GNA12: variants seen among roughly 807,000 people sequenced by gnomAD.
The protein encoded by GNA12 is guanine nucleotide-binding protein subunit alpha-12.
In GNA12, 9 loss-of-function variants were observed where a neutral mutation model predicts 26.0. That is an observed-to-expected ratio of 0.35 (90% confidence interval 0.21 to 0.60). GNA12 has a LOEUF of 0.60. Ranked by LOEUF, GNA12 falls within the 20% of genes least tolerant of loss-of-function variation. The probability of loss-of-function intolerance (pLI) is 0.78; values close to 1 mark genes in which losing one functional copy is unlikely to be tolerated. For synonymous variants in GNA12, 264 were observed against 219.6 expected (o/e 1.20, Z -1.79); for missense variants, 405 against 525.8 (o/e 0.77, Z 2.25).
At chr7:2,763,988 C>T (rs1023314588) in intron 2 of GNA12, among the ~76,000 whole-genome samples, 2 of 152,190 alleles carry the variant, frequency 1.3e-5, no homozygotes, top group East Asian at 1.9e-4. Flanking sequence ...GAACAGGGTA[C>T]GCACCTAAAG....
rs1189692337 is a variant in GNA12, at chr7:2,730,153, G to A, written c.*1028C>T. 5 of 152,346 alleles carry A rather than the reference G, an allele frequency of 3.3e-5. No individual in the cohort carries two copies. The highest frequency in any genetic ancestry group is 1.2e-4 in the African/African-American group (5 of 41,444). The allele number at this position is 152,346 out of a possible 1,614,324, so 9.4% of individuals were successfully genotyped here. On this transcript the variant is annotated 3_prime_UTR_variant, in exon 4 of 4. Coordinates refer to ENST00000275364, the MANE Select transcript of GNA12 (RefSeq NM_007353.3). ...AGCTGTTAGCTCGCCAAGCAGCTGG[G>A]GCATTAACAAAAGCTCTGCTAGTGG...
At chr7:2,791,324 T>C (rs1232975200) in intron 2 of GNA12, among the ~76,000 whole-genome samples, 2 of 152,142 alleles carry the variant, frequency 1.3e-5, no homozygotes, top group East Asian at 3.9e-4. Context: ...TGACCAGCAG[T>C]GGACAGCAAT....
intron 1 of GNA12, among the ~76,000 whole-genome samples, chr7:2,816,126 G>A (rs1273199768): frequency 2.6e-5 from 4 of 152,220 alleles, no homozygotes; most frequent in Non-Finnish European, 5.9e-5. Flanking sequence ...ACCTGAATAC[G>A]CATTCACAGG....
At chr7:2,835,703 G>A in intron 1 of GNA12, 5 of 1,041,664 alleles carry the variant, frequency 4.8e-6, no homozygotes, top group Non-Finnish European at 6.0e-6. Context: ...AAATTTGCAT[G>A]GAATACAAGT....
intron 2 of GNA12, among the ~76,000 whole-genome samples, chr7:2,743,823 CT>C (rs1270785606): frequency 6.6e-6 from 1 of 152,098 alleles, no homozygotes; most frequent in East Asian, 1.9e-4. Flanking sequence ...CACTCCCACC[CT>C]AACACTGCAC....
At chr7:2,818,151 A>G (rs1793257706) in intron 1 of GNA12, among the ~76,000 whole-genome samples, 1 of 152,256 alleles carries the variant, frequency 6.6e-6, no homozygotes, top group African/African-American at 2.4e-5. Context: ...AGTCATCATT[A>G]AGAACATCAA....
chr7:2,773,899 T>C (rs1180294460), intron 2 of GNA12, among the ~76,000 whole-genome samples: 1 of 152,148 alleles, frequency 6.6e-6, no homozygotes, highest in African/African-American at 2.4e-5. Flanking sequence ...GGAACTAAAT[T>C]GCGGGACATT....
chr7:2,749,093 G>C (rs1408146230), intron 2 of GNA12, among the ~76,000 whole-genome samples: 6 of 152,194 alleles, frequency 3.9e-5, no homozygotes, highest in African/African-American at 1.4e-4. Context: ...CATTGTGGAA[G>C]TCAGTGTGGC....
chr7:2,784,388 G>T (rs1460933996), intron 2 of GNA12, among the ~76,000 whole-genome samples: 1 of 152,204 alleles, frequency 6.6e-6, no homozygotes, highest in Non-Finnish European at 1.5e-5. Flanking sequence ...AAAGGGCTGG[G>T]ATTACAAGTA....
At chr7:2,825,001 C>T (rs558208621) in intron 1 of GNA12, among the ~76,000 whole-genome samples, 24 of 152,288 alleles carry the variant, frequency 1.6e-4, no homozygotes, top group East Asian at 1.4e-3. Flanking sequence ...TCTGCACCTG[C>T]GGGTGGACAG....
intron 2 of GNA12, among the ~76,000 whole-genome samples, chr7:2,767,464 C>T (rs900910315): frequency 9.2e-5 from 14 of 152,218 alleles, no homozygotes; most frequent in African/African-American, 3.4e-4. Context: ...CTGCATTCCA[C>T]TGAATAAATG....
At chr7:2,741,801 C>G (rs1790520217) in intron 2 of GNA12, among the ~76,000 whole-genome samples, 1 of 151,278 alleles carries the variant, frequency 6.6e-6, no homozygotes, top group Non-Finnish European at 1.5e-5. Flanking sequence ...ACAACCACGG[C>G]AACTTCAGGT....
intron 1 of GNA12, among the ~76,000 whole-genome samples, chr7:2,835,458 A>G (rs902753563): frequency 1.3e-5 from 2 of 152,142 alleles, no homozygotes; most frequent in African/African-American, 4.8e-5. Flanking sequence ...TCCAGGTGAC[A>G]TTTCCTCCCT....
At chr7:2,749,598 A>G (rs1583232560) in intron 2 of GNA12, among the ~76,000 whole-genome samples, 1 of 152,282 alleles carries the variant, frequency 6.6e-6, no homozygotes, top group African/African-American at 2.4e-5. Context: ...CCAACATGGC[A>G]CATGTATACA....
At chr7:2,736,184 C>T (rs370220875) in intron 2 of GNA12, among the ~76,000 whole-genome samples, 6 of 152,172 alleles carry the variant, frequency 3.9e-5, no homozygotes, top group African/African-American at 1.4e-4. Context: ...ACTGAGATGT[C>T]CACATGAAAT....
intron 2 of GNA12, among the ~76,000 whole-genome samples, chr7:2,783,541 A>G (rs1459407724): frequency 6.6e-6 from 1 of 152,076 alleles, no homozygotes; most frequent in Non-Finnish European, 1.5e-5. Context: ...GGGACCCCCA[A>G]AAGATCTGTC....
chr7:2,833,914 A>G (rs892366003), intron 1 of GNA12, among the ~76,000 whole-genome samples: 7 of 152,062 alleles, frequency 4.6e-5, no homozygotes, highest in Admixed American at 3.9e-4. Flanking sequence ...CATGTGATAC[A>G]GCAAACAATT....
intron 1 of GNA12, among the ~76,000 whole-genome samples, chr7:2,796,622 C>G (rs1273143176): frequency 6.6e-6 from 1 of 152,176 alleles, no homozygotes; most frequent in African/African-American, 2.4e-5. Flanking sequence ...GCCCGCCCAC[C>G]AAAACGGGAG....
chr7:2,749,882 T>TA (rs1790944074), intron 2 of GNA12, among the ~76,000 whole-genome samples: 1 of 152,070 alleles, frequency 6.6e-6, no homozygotes, highest in African/African-American at 2.4e-5. Context: ...AGAAAAAAGA[T>TA]AAAGAATGAG....
Sources: gnomAD v4.1 joint callset for allele counts (sites outside exome capture counted in the v4.1 genomes callset) on GRCh38, gnomAD v4.1.1 for gene constraint, MANE v1.5 for transcripts, NCBI Gene and HGNC (gene_info 2026-07-23, HGNC 2026-07-21) for gene names.